The following FCN3 variants were observed in gnomAD, a reference collection of about 807,000 sequenced individuals.
FCN3 encodes ficolin 3, also known as ficolin-3.
FCN3 carries 28 observed loss-of-function variants against 31.5 expected under a neutral mutation model. The ratio of observed to expected loss-of-function variants is 0.89; its 90% confidence interval spans 0.66 to 1.22. The LOEUF (loss-of-function observed/expected upper bound fraction) is 1.22. Ranked by LOEUF, FCN3 falls within the 50% of genes most tolerant of loss-of-function variation. FCN3 has a pLI of 0.00. For missense variants in FCN3, 351 were observed against 386.8 expected, an observed-to-expected ratio of 0.91 and a Z score of 0.78; for synonymous variants, 124 against 147.4, an observed-to-expected ratio of 0.84 and a Z score of 1.15.
At chr1:27,373,458 A>C in intron 4 of FCN3, 30 bp downstream of exon 4, 1 of 1,613,690 alleles carries the variant, frequency 6.2e-7, no homozygotes. Context: ...TGTGATCCCA[A>C]GTTCCTGGCT....
At position 27,372,566 on chromosome 1, in the gene FCN3, C is replaced by T. The variant is rs28385726; in HGVS notation, c.393+570G>A. 2.2e-3 allele frequency among the ~76,000 whole-genome samples: 333 copies of T among 152,294 alleles called. 1 individual carries two copies. The highest frequency in any genetic ancestry group is 7.5e-3 in the African/African-American group (311 of 41,554). On this transcript the variant is annotated intron_variant, in intron 5 of 7. Transcript: ENST00000270879. ...TCCAGCCAACCACCGCGTCTGGGCG[C>T]GCTGCACACTTCTTAAGTTGATCAT...
rs2016127165 is a variant in FCN3 at position 27,370,667 on chromosome 1, G to A, written c.587C>T (p.Ala196Val). Residue 196 changes from alanine (A) to valine (V), a missense_variant, in exon 7 of 8, where the codon GCG (alanine) becomes GTG (valine). Transcript: ENST00000270879. Reference protein sequence around the residue: ...FNGNRTFAHYATFRLLGEVDH... With the variant: ...FNGNRTFAHYVTFRLLGEVDH... ...TACCTCACCGAGGAGGCGGAAGGTCGCATAGTGGGCGAAAGTACGGTTACC... is the reference window on the plus strand; with the variant it reads ...TACCTCACCGAGGAGGCGGAAGGTCACATAGTGGGCGAAAGTACGGTTACC... 4 of 1,614,202 alleles carry A rather than the reference G, an allele frequency of 2.5e-6. No homozygotes were observed. Among genetic ancestry groups the A allele is most frequent in the East Asian group, 2.2e-5 (1 of 44,882 alleles).
chr1:27,372,949 C>T (rs1471080828), intron 5 of FCN3, among the ~76,000 whole-genome samples, 187 bp downstream of exon 5: 2 of 151,962 alleles, frequency 1.3e-5, no homozygotes, highest in African/African-American at 4.8e-5. Flanking sequence ...AACTTAAGGT[C>T]TTTTCAAAAG....
In FCN3 at chr1:27,369,284, G is replaced by A. The variant is rs2016094770; in HGVS notation, c.852C>T (p.Gly284=). The change falls in exon 8 of 8, where the codon GGC becomes GGT. Residue 284 remains glycine (G), a synonymous_variant. Coordinates refer to ENST00000270879, the MANE Select transcript of FCN3 (RefSeq NM_003665.4). Reference sequence around the variant, plus strand: ...TGCGGTAGGGGTGGCCCACACCACGGCCTGAGGCCCAGTCAATGCCATATT... The same window carrying A: ...TGCGGTAGGGGTGGCCCACACCACGACCTGAGGCCCAGTCAATGCCATATT... ...AHKYGIDWAS[G]RGVGHPYRRV... is the part of the protein sequence containing the mutation. The A allele has an allele frequency of 6.2e-7, 1 of 1,614,104 alleles. No individual in the cohort carries two copies. The highest frequency in any genetic ancestry group is 1.7e-5 in the Admixed American group (1 of 60,008).
chr1:27,372,594 A>G (rs2016168189), intron 5 of FCN3, among the ~76,000 whole-genome samples: 1 of 152,126 alleles, frequency 6.6e-6, no homozygotes, highest in African/African-American at 2.4e-5. Context: ...TTGATCATTT[A>G]GTGCCTTCCA....
intron 7 of FCN3, among the ~76,000 whole-genome samples, chr1:27,370,224 G>A (rs1011121830): frequency 1.3e-5 from 2 of 152,006 alleles, no homozygotes; most frequent in South Asian, 4.2e-4. Flanking sequence ...GGCCAGGTTG[G>A]GTTTGAACTC....
At chr1:27,374,499 C>T (rs2016211665) in intron 1 of FCN3, 48 bp from the exon 2 acceptor site, 3 of 1,254,704 alleles carry the variant, frequency 2.4e-6, no homozygotes, top group Non-Finnish European at 3.5e-6. Flanking sequence ...CTGTCTCTTC[C>T]AGACCCCTCT....
chr1:27,369,610 C>A (rs72882747), intron 7 of FCN3, 133 bp from the exon 8 acceptor site: 23,209 of 811,604 alleles, frequency 0.029, 2,020 homozygotes, highest in South Asian at 0.2. Context: ...CACCAAGGGG[C>A]CAGGTTGTTT....
At chr1:27,373,687 C>G in intron 3 of FCN3, 167 bp from the exon 4 acceptor site, 4 of 725,740 alleles carry the variant, frequency 5.5e-6, no homozygotes, top group Non-Finnish European at 9.4e-6. Flanking sequence ...TCTCCTAATC[C>G]TCTCCACTCC....
In FCN3 at chr1:27,369,226, C is replaced by T; in HGVS notation, c.*10G>A. ...ACAGGAGAGATAAGGGCACTGGCTG[C>T]CAGAGTGCCCTATCGAAGCATCATC... On this transcript the variant is annotated 3_prime_UTR_variant, in exon 8 of 8. Coordinates refer to ENST00000270879, the MANE Select transcript of FCN3 (RefSeq NM_003665.4). 6.2e-7 allele frequency: 1 copy of T among 1,613,764 alleles called. No homozygotes were observed. Among genetic ancestry groups the T allele is most frequent in the Non-Finnish European group, 8.5e-7 (1 of 1,179,716 alleles).
At position 27,370,670 on chromosome 1, in the gene FCN3, T is replaced by C. The variant is rs754688017; in HGVS notation, c.584A>G (p.Tyr195Cys). Residue 195 changes from tyrosine (Y) to cysteine (C), a missense_variant, in exon 7 of 8, where the codon TAT becomes TGT. Tyr to Cys is a radical substitution (Grantham distance 194). Coordinates refer to ENST00000270879, the MANE Select transcript of FCN3 (RefSeq NM_003665.4). ...DFNGNRTFAH[Y>C]ATFRLLGEVD... is the part of the protein sequence containing the mutation. ...CTCACCGAGGAGGCGGAAGGTCGCA[T>C]AGTGGGCGAAAGTACGGTTACCATT... 5.6e-6 allele frequency: 9 copies of C among 1,614,070 alleles called. No individual in the cohort carries two copies. The highest frequency in any genetic ancestry group is 1.1e-5 in the South Asian group (1 of 91,088).
At chr1:27,373,409 T>A (rs112062854) in intron 4 of FCN3, 79 bp downstream of exon 4, 1 of 1,600,208 alleles carries the variant, frequency 6.2e-7, no homozygotes, top group African/African-American at 1.3e-5. Context: ...GTGGGGAGGA[T>A]CTTGGCCACA....
intron 5 of FCN3, among the ~76,000 whole-genome samples, chr1:27,371,347 G>A (rs1211378206): frequency 3.9e-5 from 6 of 152,110 alleles, no homozygotes; most frequent in African/African-American, 1.2e-4. Flanking sequence ...AGGCCGAGGC[G>A]GGTGGATCAC....
intron 3 of FCN3, 24 bp from the exon 4 acceptor site, chr1:27,373,544 T>C (rs745735735): frequency 1.9e-6 from 3 of 1,613,760 alleles, no homozygotes; most frequent in Non-Finnish European, 2.5e-6. Context: ...GGGATGAGTG[T>C]TGGCTCTGAT....
intron 4 of FCN3, 97 bp from the exon 5 acceptor site, chr1:27,373,360 G>A: frequency 3.1e-6 from 5 of 1,594,644 alleles, no homozygotes; most frequent in Non-Finnish European, 4.3e-6. Context: ...GGACCCTCTT[G>A]GCTCCTTCAG....
chr1:27,374,054 C>T (rs774739195), intron 2 of FCN3, 45 bp from the exon 3 acceptor site: 2 of 1,566,844 alleles, frequency 1.3e-6, no homozygotes, highest in Admixed American at 3.6e-5. Flanking sequence ...ACCCCATGCC[C>T]AGGACCAAAA....
rs10794501 is a variant in FCN3 at position 27,372,958 on chromosome 1, A to T, written c.393+178T>A. On this transcript the variant is annotated intron_variant, in intron 5 of 7. Transcript: ENST00000270879. ...GCACTCAACTTAAGGTCTTTTCAAA[A>T]GGCACCTCCTCTGTGAAGCCCTCAT... Among the ~76,000 whole-genome samples the T allele has an allele frequency of 0.69, 105,458 of 151,848 alleles. 37,474 individuals are homozygous for T. Among genetic ancestry groups the T allele is most frequent in the East Asian group, 0.9 (4,646 of 5,164 alleles).
intron 3 of FCN3, 119 bp from the exon 4 acceptor site, chr1:27,373,639 T>TC (rs2016192979): frequency 9.5e-7 from 1 of 1,054,396 alleles, no homozygotes; most frequent in Middle Eastern, 2.8e-4. Context: ...CAGCCTTCCA[T>TC]ACCCTGTAGG....
chr1:27,372,525 G>A (rs1273896941), intron 5 of FCN3, among the ~76,000 whole-genome samples: 1 of 152,238 alleles, frequency 6.6e-6, no homozygotes, highest in Non-Finnish European at 1.5e-5. Context: ...TGGGATTATA[G>A]GCGTGAGCCA....
Sources: gnomAD v4.1 joint callset for allele counts (sites outside exome capture counted in the v4.1 genomes callset) on GRCh38, gnomAD v4.1.1 for gene constraint, MANE v1.5 for transcripts, NCBI Gene and HGNC (gene_info 2026-07-23, HGNC 2026-07-21) for gene names.